The following SIRPG variants were observed in gnomAD, a reference collection of about 807,000 sequenced individuals.
SIRPG encodes signal regulatory protein gamma, also known as signal-regulatory protein gamma.
A neutral mutation model predicts 35.7 loss-of-function variants in SIRPG; 38 were observed. The observed-to-expected ratio is 1.06, with a 90% confidence interval of 0.82 to 1.40. The LOEUF (loss-of-function observed/expected upper bound fraction) is 1.40, where lower values mean the gene tolerates loss of function less well. Ranked by LOEUF, SIRPG falls within the 40% of genes most tolerant of loss-of-function variation. The pLI is 0.00. For missense variants in SIRPG, 519 were observed against 483.0 expected (o/e 1.07, Z -0.70); for synonymous variants, 215 against 190.4 (o/e 1.13, Z -1.06).
the SIRPG span, among the ~76,000 whole-genome samples, chr20:1,683,805 T>G: frequency 8.6e-5 from 13 of 151,964 alleles, no homozygotes; most frequent in Admixed American, 2.6e-4. Flanking sequence ...CCGTCACTAC[T>G]AAAAATACAA....
the SIRPG span, among the ~76,000 whole-genome samples, chr20:1,677,188 G>C: frequency 6.6e-6 from 1 of 152,042 alleles, no homozygotes; most frequent in African/African-American, 2.4e-5. Context: ...GCACAGAGAG[G>C]TTCAATTTTA....
the SIRPG span, among the ~76,000 whole-genome samples, chr20:1,667,148 T>C: frequency 6.6e-6 from 1 of 152,296 alleles, no homozygotes; most frequent in African/African-American, 2.4e-5. Flanking sequence ...CCCCCTGCCT[T>C]GGCCTCTCAA....
chr20:1,636,178 G>C lies in SIRPG; in HGVS notation c.748+10C>G, dbSNP rs548100703. The C allele has an allele frequency of 2.5e-6, 4 of 1,613,716 alleles. No homozygotes were observed. The highest frequency in any genetic ancestry group is 3.4e-6 in the Non-Finnish European group (4 of 1,179,914). On this transcript the variant is annotated intron_variant, in intron 3 of 5. Transcript: ENST00000303415. ...GGTGTGGGCTTGGGCTGGGTGTGAG[G>C]GTCCTCTACCTCGGATGGCCTCAGA...
intron 2 of SIRPG, among the ~76,000 whole-genome samples, chr20:1,641,192 TC>T (rs2091849210): frequency 6.6e-6 from 1 of 152,212 alleles, no homozygotes; most frequent in African/African-American, 2.4e-5. Context: ...TGGTTCCAGC[TC>T]CTCGTTGTAC....
the SIRPG span, among the ~76,000 whole-genome samples, chr20:1,679,798 G>T: frequency 6.6e-6 from 1 of 152,042 alleles, no homozygotes; most frequent in African/African-American, 2.4e-5. Context: ...CCCTTTGAAT[G>T]CTCATGGCTT....
At chr20:1,676,147 T>A in the SIRPG span, among the ~76,000 whole-genome samples, 1 of 152,192 alleles carries the variant, frequency 6.6e-6, no homozygotes, top group African/African-American at 2.4e-5. Flanking sequence ...TTATCTGTAA[T>A]AACTGCAAAA....
At chr20:1,670,186 G>A in the SIRPG span, 13 of 257,874 alleles carry the variant, frequency 5.0e-5, no homozygotes, top group Admixed American at 2.8e-4. Context: ...GGCAGGTGAC[G>A]TTCACCTGGT....
chr20:1,649,467 T>A, intron 1 of SIRPG, 59 bp from the exon 2 acceptor site: 2 of 1,466,502 alleles, frequency 1.4e-6, no homozygotes, highest in South Asian at 1.3e-5. Flanking sequence ...TATTTCCTCA[T>A]GTTTATCAAA....
intron 5 of SIRPG, 65 bp downstream of exon 5, chr20:1,630,157 G>T: frequency 8.1e-7 from 1 of 1,235,570 alleles, no homozygotes; most frequent in Non-Finnish European, 1.2e-6. Flanking sequence ...ATGTGGGCTG[G>T]GCCTTCCTGT....
intron 4 of SIRPG, among the ~76,000 whole-genome samples, chr20:1,631,230 A>C (rs1254623024): frequency 2.0e-5 from 3 of 152,186 alleles, no homozygotes; most frequent in Non-Finnish European, 4.4e-5. Context: ...AGAACTCAGC[A>C]TCTGTGGCTG....
At chr20:1,666,224 T>TCTA in the SIRPG span, 1 of 152,036 alleles carries the variant, frequency 6.6e-6, no homozygotes, top group Non-Finnish European at 1.5e-5. Flanking sequence ...TGTGTTTGTT[T>TCTA]CAAGCTGAGT....
the SIRPG span, among the ~76,000 whole-genome samples, chr20:1,674,062 C>G: frequency 7.2e-5 from 11 of 152,196 alleles, no homozygotes; most frequent in Non-Finnish European, 1.5e-4. Flanking sequence ...TCCAGAAAAG[C>G]TGCTGTCAAT....
Position 1,630,165 on chromosome 20 carries a change from T to C in SIRPG, c.*2+57A>G. The C allele has an allele frequency of 2.3e-6, 3 of 1,328,558 alleles. No individual in the cohort carries two copies. In the South Asian group the frequency reaches 3.8e-5, roughly 17 times the overall value. 82.3% of individuals were successfully genotyped at this position (1,328,558 alleles called of 1,614,324 possible). A position where few individuals can be genotyped will look rare whatever the true frequency, so the allele number is the denominator to read the frequency against. ...GCATGGCATGTGGGCTGGGCCTTCC[T>C]GTTGGCCTTGCCCTTCTGAGACAGC... On this transcript the variant is annotated intron_variant, in intron 5 of 5. Transcript: ENST00000303415.
chr20:1,671,797 A>T, the SIRPG span, among the ~76,000 whole-genome samples: 1 of 152,246 alleles, frequency 6.6e-6, no homozygotes, highest in South Asian at 2.1e-4. Context: ...CAGCAGGAGC[A>T]TGTCCTTAAG....
chr20:1,656,135 G>C (rs1214435120), intron 1 of SIRPG, among the ~76,000 whole-genome samples: 1 of 152,182 alleles, frequency 6.6e-6, no homozygotes, highest in Admixed American at 6.5e-5. Context: ...GATTGTTTCT[G>C]ACTGGTGTGA....
chr20:1,651,835 C>T (rs2091942085), intron 1 of SIRPG, among the ~76,000 whole-genome samples: 1 of 152,088 alleles, frequency 6.6e-6, no homozygotes, highest in African/African-American at 2.4e-5. Context: ...ATTCCAATAT[C>T]AATAATGACA....
chr20:1,683,779 C>A, the SIRPG span, among the ~76,000 whole-genome samples: 1 of 151,998 alleles, frequency 6.6e-6, no homozygotes, highest in Non-Finnish European at 1.5e-5. Flanking sequence ...ACCAGCCTGG[C>A]CAACATGGTG....
intron 2 of SIRPG, among the ~76,000 whole-genome samples, chr20:1,640,095 G>T (rs1053459312): frequency 6.6e-6 from 1 of 152,044 alleles, no homozygotes; most frequent in Non-Finnish European, 1.5e-5. Context: ...GATTGTCTTG[G>T]CTATACGGGC....
At chr20:1,646,777 A>G (rs1162101212) in intron 2 of SIRPG, 4 of 152,240 alleles carry the variant, frequency 2.6e-5, no homozygotes, top group Non-Finnish European at 5.9e-5. Flanking sequence ...CCTCCCGAGT[A>G]GCTGGGATTA....
Sources: gnomAD v4.1 joint callset for allele counts (sites outside exome capture counted in the v4.1 genomes callset) on GRCh38, gnomAD v4.1.1 for gene constraint, MANE v1.5 for transcripts, NCBI Gene and HGNC (gene_info 2026-07-23, HGNC 2026-07-21) for gene names.